CA10: variants seen among roughly 807,000 people sequenced by gnomAD.
CA10 encodes the protein carbonic anhydrase 10 (inactive).
A neutral mutation model predicts 44.2 loss-of-function variants in CA10; 14 were observed. The ratio of observed to expected loss-of-function variants is 0.32; its 90% CI spans 0.21 to 0.50. The LOEUF (loss-of-function observed/expected upper bound fraction) is 0.50, where lower values mean the gene tolerates loss of function less well. Among genes scored for constraint, CA10 ranks in the 20% least tolerant of loss-of-function variants. The pLI, the probability that CA10 is intolerant of heterozygous loss-of-function variation, is 0.99. For missense variants in CA10, 350 were observed against 409.7 expected, an observed-to-expected ratio of 0.85 and a Z score of 1.26; for synonymous variants, 159 against 141.6, an observed-to-expected ratio of 1.12 and a Z score of -0.87.
Position 51,931,028 on chromosome 17 carries a change from A to G in CA10, c.241T>C (p.Phe81Leu). The G allele has an allele frequency of 1.2e-6, 2 of 1,613,532 alleles. No individual in the cohort carries two copies. The highest frequency in any genetic ancestry group is 1.7e-6 in the Non-Finnish European group (2 of 1,179,636). Residue 81 changes from phenylalanine (F) to leucine (L), a missense_variant, in exon 3 of 9, where the codon TTT (phenylalanine) becomes CTT (leucine). Coordinates refer to ENST00000451037, the MANE Select transcript of CA10 (RefSeq NM_020178.5). Reference protein sequence around the residue: ...IETSHMIFDPFLTPLRINTGG... With the variant: ...IETSHMIFDPLLTPLRINTGG... ...GTGTTGATGCGAAGAGGTGTCAGAA[A>G]GGGGTCGAAGATCATGTGACTGGTC...
intron 1 of CA10, among the ~76,000 whole-genome samples, chr17:52,096,046 G>T (rs1426146618): frequency 6.6e-6 from 1 of 152,038 alleles, no homozygotes; most frequent in African/African-American, 2.4e-5. Context: ...TAAAAACCAG[G>T]CTAGTCCTAT....
chr17:52,070,187 C>T (rs956155726), intron 2 of CA10, among the ~76,000 whole-genome samples: 1 of 152,160 alleles, frequency 6.6e-6, no homozygotes, highest in African/African-American at 2.4e-5. Context: ...AGGCTTTAGA[C>T]CTGTTAAATT....
At chr17:51,693,922 C>G (rs549602722) in intron 4 of CA10, among the ~76,000 whole-genome samples, 6 of 152,048 alleles carry the variant, frequency 3.9e-5, no homozygotes, top group African/African-American at 1.2e-4. Context: ...AATTCACCCC[C>G]GGCTGGACAC....
At chr17:52,026,623 G>A (rs933793729) in intron 2 of CA10, among the ~76,000 whole-genome samples, 1 of 152,146 alleles carries the variant, frequency 6.6e-6, no homozygotes, top group African/African-American at 2.4e-5. Flanking sequence ...CATGGCAGAA[G>A]GGGAAGCAAA....
In CA10 at chr17:51,962,147, T is replaced by C. The variant is rs1598141830; in HGVS notation, c.137-31015A>G. Among the ~76,000 whole-genome samples, 4 of 152,238 alleles carry C rather than the reference T, an allele frequency of 2.6e-5. No individual in the cohort carries two copies. The East Asian group carries it at 5.8e-4, about 22-fold the overall frequency. ...AGCCTGAACTGCCCCACCCTTTCTG[T>C]GCAGAAATTGTGGTGCAGTGGGGCC... is the stretch of plus-strand genomic sequence containing the variant. On this transcript the variant is annotated intron_variant, in intron 2 of 8. Coordinates refer to ENST00000451037, the MANE Select transcript of CA10 (RefSeq NM_020178.5).
intron 4 of CA10, among the ~76,000 whole-genome samples, chr17:51,689,640 G>A (rs1915120181): frequency 6.6e-6 from 1 of 152,190 alleles, no homozygotes; most frequent in Admixed American, 6.5e-5. Flanking sequence ...CCTGCTGATT[G>A]CCAGTGACAA....
chr17:51,952,285 G>T (rs920223106), intron 2 of CA10, among the ~76,000 whole-genome samples: 4 of 152,180 alleles, frequency 2.6e-5, no homozygotes, highest in African/African-American at 9.6e-5. Context: ...CTGTCTCACA[G>T]TTCTGGAGAG....
At chr17:51,825,329 C>T (rs1469492729) in intron 3 of CA10, among the ~76,000 whole-genome samples, 1 of 151,992 alleles carries the variant, frequency 6.6e-6, no homozygotes, top group East Asian at 1.9e-4. Flanking sequence ...TCTGCTGGGA[C>T]CATCTTTGTA....
intron 3 of CA10, among the ~76,000 whole-genome samples, chr17:51,909,249 G>A (rs948758805): frequency 3.3e-5 from 5 of 152,134 alleles, no homozygotes; most frequent in Admixed American, 3.3e-4. Context: ...CAATACCAAA[G>A]ATGACTGGAT....
chr17:51,895,385 G>C (rs992998221), intron 3 of CA10, among the ~76,000 whole-genome samples: 1 of 152,104 alleles, frequency 6.6e-6, no homozygotes, highest in African/African-American at 2.4e-5. Context: ...GTATGGGGCA[G>C]AGGGGAATGA....
At chr17:51,710,521 T>C (rs1362965796) in intron 4 of CA10, among the ~76,000 whole-genome samples, 1 of 152,176 alleles carries the variant, frequency 6.6e-6, no homozygotes, top group African/African-American at 2.4e-5. Flanking sequence ...TACTTAATAT[T>C]GGGCAGCTCT....
intron 1 of CA10, among the ~76,000 whole-genome samples, chr17:52,084,651 A>G (rs1988072022): frequency 2.0e-5 from 3 of 152,054 alleles, no homozygotes. Context: ...GCTTTTCAGC[A>G]GCCTACTAAT....
At chr17:51,708,729 G>A (rs547109292) in intron 4 of CA10, among the ~76,000 whole-genome samples, 5 of 152,210 alleles carry the variant, frequency 3.3e-5, no homozygotes, top group Non-Finnish European at 2.9e-5. Context: ...GTAGAATAAA[G>A]CAGGCAGAAG....
rs1257392276 is a variant in CA10, at chr17:51,827,021, A to G, written c.280-79203T>C. Reference sequence around the variant, plus strand: ...GCTATCATTTCCTACTGGGACCCTCATGATTCATCTCCTCAAGGTTTTACT... The same window carrying G: ...GCTATCATTTCCTACTGGGACCCTCGTGATTCATCTCCTCAAGGTTTTACT... On this transcript the variant is annotated intron_variant, in intron 3 of 8. Transcript: ENST00000451037. Among the ~76,000 whole-genome samples the G allele has an allele frequency of 2.0e-5, 3 of 152,136 alleles. No homozygotes were observed. The East Asian group carries it at 5.8e-4, about 29-fold the overall frequency.
intron 2 of CA10, among the ~76,000 whole-genome samples, chr17:52,040,102 A>C (rs995032646): frequency 3.3e-5 from 5 of 151,286 alleles, no homozygotes; most frequent in Non-Finnish European, 5.9e-5. Flanking sequence ...AGTAACAAAT[A>C]TTCTTTATAA....
chr17:51,655,910 A>C (rs1358442909), intron 4 of CA10, among the ~76,000 whole-genome samples: 1 of 152,196 alleles, frequency 6.6e-6, no homozygotes, highest in African/African-American at 2.4e-5. Flanking sequence ...CTGCCATCAG[A>C]AAGGCAACCG....
chr17:52,066,824 G>A (rs945603832), intron 2 of CA10, among the ~76,000 whole-genome samples: 3 of 152,172 alleles, frequency 2.0e-5, no homozygotes, highest in Admixed American at 1.3e-4. Context: ...GAGATCTGTG[G>A]AGCTTTGAAC....
At chr17:51,713,475 C>A (rs149010870) in intron 4 of CA10, among the ~76,000 whole-genome samples, 126 of 152,248 alleles carry the variant, frequency 8.3e-4, no homozygotes, top group African/African-American at 3.0e-3. Flanking sequence ...AAAATAGGGC[C>A]TGAAAAAATA....
intron 1 of CA10, among the ~76,000 whole-genome samples, chr17:52,110,556 T>C (rs1266409628): frequency 6.6e-6 from 1 of 152,096 alleles, no homozygotes; most frequent in Non-Finnish European, 1.5e-5. Context: ...GAGATGGAGA[T>C]TTGGGTGTCT....
Sources: allele counts gnomAD v4.1 joint callset (sites outside exome capture counted in the v4.1 genomes callset), GRCh38; gene constraint gnomAD v4.1.1; transcripts MANE v1.5; gene names NCBI Gene and HGNC (gene_info 2026-07-23, HGNC 2026-07-21).